CRK: variants seen among roughly 807,000 people sequenced by gnomAD.
CRK encodes adapter molecule crk.
A neutral mutation model predicts 29.8 loss-of-function variants in CRK; 4 were observed. That is an observed-to-expected ratio of 0.13 (90% CI 0.07 to 0.31). The LOEUF (loss-of-function observed/expected upper bound fraction) is 0.31, where lower values mean the gene tolerates loss of function less well. CRK is among the 10% of genes least tolerant of loss of function. The probability of loss-of-function intolerance (pLI) is 1.00; values close to 1 mark genes in which losing one functional copy is unlikely to be tolerated. For synonymous variants in CRK, 153 were observed against 164.9 expected (o/e 0.93, Z 0.55); for missense variants, 274 against 396.5 (o/e 0.69, Z 2.62).
chr17:1,436,836 G>C lies in CRK; in HGVS notation c.561C>G (p.Val187=). 1.3e-6 allele frequency: 2 copies of C among 1,595,544 alleles called. No homozygotes were observed. The highest frequency in any genetic ancestry group is 8.5e-7 in the Non-Finnish European group (1 of 1,170,314). Residue 187 remains valine (V), a synonymous_variant, in exon 2 of 3, where the codon GTC becomes GTG. Transcript: ENST00000300574. The part of the protein sequence containing the change: ...GKRGMIPVPY[V]EKYRPASASV... ...AGGCGGAGGCAGGTCTATACTTCTC[G>C]ACGTAAGGGACTGGAATCATCCCTC...
At chr17:1,445,783 G>C (rs1291411263) in intron 1 of CRK, among the ~76,000 whole-genome samples, 1 of 152,162 alleles carries the variant, frequency 6.6e-6, no homozygotes, top group Non-Finnish European at 1.5e-5. Flanking sequence ...AGGCCACCTG[G>C]GCACCCATGG....
At chr17:1,431,061 C>T (rs752375466) in intron 2 of CRK, among the ~76,000 whole-genome samples, 29 of 113,748 alleles carry the variant, frequency 2.5e-4, no homozygotes, top group Non-Finnish European at 4.6e-4. Flanking sequence ...AGTGAGACTC[C>T]GTCTCAAAAC....
At chr17:1,445,315 T>A (rs1288564065) in intron 1 of CRK, among the ~76,000 whole-genome samples, 1 of 152,148 alleles carries the variant, frequency 6.6e-6, no homozygotes, top group Admixed American at 6.6e-5. Flanking sequence ...TTTTTCATAT[T>A]ACCCAAAGTC....
intron 1 of CRK, among the ~76,000 whole-genome samples, chr17:1,439,287 C>CG (rs2073916263): frequency 6.6e-6 from 1 of 152,080 alleles, no homozygotes; most frequent in Non-Finnish European, 1.5e-5. Flanking sequence ...TTAATAGAGA[C>CG]GGGGTTTTAC....
At chr17:1,443,991 C>T (rs1311778415) in intron 1 of CRK, among the ~76,000 whole-genome samples, 1 of 151,918 alleles carries the variant, frequency 6.6e-6, no homozygotes, top group South Asian at 2.1e-4. Flanking sequence ...TGAGCCACCC[C>T]GCCTGGCCTA....
At chr17:1,450,860 G>T (rs1459715350) in intron 1 of CRK, among the ~76,000 whole-genome samples, 1 of 151,596 alleles carries the variant, frequency 6.6e-6, no homozygotes, top group Admixed American at 6.6e-5. Flanking sequence ...CACTCCAGAC[G>T]GGGCAACAAG....
Position 1,423,433 on chromosome 17 carries a change from G to C in CRK, c.*80C>G. 6.6e-7 allele frequency: 1 copy of C among 1,521,974 alleles called. No homozygotes were observed. Among genetic ancestry groups the C allele is most frequent in the Non-Finnish European group, 8.9e-7 (1 of 1,127,072 alleles). 94.3% of individuals were successfully genotyped at this position (1,521,974 alleles called of 1,614,324 possible). A position where few individuals can be genotyped will look rare whatever the true frequency, so the allele number is the denominator to read the frequency against. On this transcript the variant is annotated 3_prime_UTR_variant, in exon 3 of 3. Transcript: ENST00000300574. ...ATAAACTAGACTGCTTTTGACATCT[G>C]TAAGAAAATTGTATAGATGGCAGTT...
intron 2 of CRK, among the ~76,000 whole-genome samples, chr17:1,427,718 C>G (rs913564067): frequency 2.0e-5 from 3 of 151,870 alleles, no homozygotes; most frequent in African/African-American, 7.3e-5. Context: ...CAACCTCCAC[C>G]TGCCAGGTTC....
chr17:1,451,352 T>C (rs946121837), intron 1 of CRK, among the ~76,000 whole-genome samples: 4 of 151,542 alleles, frequency 2.6e-5, no homozygotes, highest in African/African-American at 9.7e-5. Flanking sequence ...TGCCTTAGCC[T>C]CTCCAGCAGC....
intron 2 of CRK, among the ~76,000 whole-genome samples, chr17:1,428,500 G>A (rs1302529128): frequency 6.8e-6 from 1 of 146,928 alleles, no homozygotes; most frequent in Non-Finnish European, 1.5e-5. Flanking sequence ...GTGTAAATTA[G>A]ACCTTTGGAC....
At chr17:1,439,373 T>C (rs1042040492) in intron 1 of CRK, among the ~76,000 whole-genome samples, 15 of 152,088 alleles carry the variant, frequency 9.9e-5, no homozygotes, top group African/African-American at 3.6e-4. Flanking sequence ...CTGGGATTGA[T>C]TACAGGTGTG....
At chr17:1,443,198 C>G (rs192755620) in intron 1 of CRK, among the ~76,000 whole-genome samples, 3 of 151,826 alleles carry the variant, frequency 2.0e-5, no homozygotes, top group African/African-American at 7.2e-5. Context: ...CAAGGCTGGT[C>G]TCGAACTCCT....
chr17:1,423,356 T>G lies in CRK; in HGVS notation c.*157A>C. 1.1e-6 allele frequency: 1 copy of G among 902,686 alleles called. No individual in the cohort carries two copies. Among genetic ancestry groups the G allele is most frequent in the Admixed American group, 3.0e-5 (1 of 33,008 alleles). 55.9% of individuals were successfully genotyped at this position (902,686 alleles called of 1,614,324 possible). On this transcript the variant is annotated 3_prime_UTR_variant, in exon 3 of 3. Coordinates refer to ENST00000300574, the MANE Select transcript of CRK (RefSeq NM_016823.4). ...GTACCCTGAATATGGTAATTAAGAC[T>G]AGGAATGGAGCAGTTCAGTCTAAAA...
intron 1 of CRK, among the ~76,000 whole-genome samples, chr17:1,449,126 T>A (rs2073999002): frequency 6.6e-6 from 1 of 152,142 alleles, no homozygotes; most frequent in Non-Finnish European, 1.5e-5. Context: ...CCCTAGCTTC[T>A]GTCCCACGCC....
intron 1 of CRK, among the ~76,000 whole-genome samples, chr17:1,444,377 ACAAACGC>A (rs2073957500): frequency 6.6e-6 from 1 of 152,172 alleles, no homozygotes; most frequent in Non-Finnish European, 1.5e-5. Flanking sequence ...CGAAAAAAAT[ACAAACGC>A]CAGGCAGGGT....
intron 2 of CRK, among the ~76,000 whole-genome samples, chr17:1,433,088 G>T (rs8064892): frequency 6.6e-6 from 1 of 152,102 alleles, no homozygotes; most frequent in African/African-American, 2.4e-5. Flanking sequence ...AAGGCTAATC[G>T]ATCCTGGTGC....
intron 1 of CRK, among the ~76,000 whole-genome samples, chr17:1,448,919 T>C (rs1457309979): frequency 1.3e-5 from 2 of 152,004 alleles, no homozygotes; most frequent in East Asian, 1.9e-4. Flanking sequence ...TAGGGAGACA[T>C]CTGTTGAGGC....
At chr17:1,444,772 G>A (rs1271074534) in intron 1 of CRK, among the ~76,000 whole-genome samples, 1 of 150,938 alleles carries the variant, frequency 6.6e-6, no homozygotes, top group Non-Finnish European at 1.5e-5. Flanking sequence ...GGTGGAGGCT[G>A]CGGTGAGCTG....
At chr17:1,435,507 T>C (rs935815058) in intron 2 of CRK, among the ~76,000 whole-genome samples, 1 of 151,496 alleles carries the variant, frequency 6.6e-6, no homozygotes, top group South Asian at 2.1e-4. Flanking sequence ...AGATCCATCA[T>C]ACACACAGCA....
Sources: allele counts gnomAD v4.1 joint callset (sites outside exome capture counted in the v4.1 genomes callset), GRCh38; gene constraint gnomAD v4.1.1; transcripts MANE v1.5; gene names NCBI Gene and HGNC (gene_info 2026-07-23, HGNC 2026-07-21).